The following SHQ1 variants were observed in gnomAD, a reference collection of about 807,000 sequenced individuals.
SHQ1 encodes protein SHQ1 homolog.
Under a neutral mutation model 53.8 loss-of-function variants are expected in SHQ1, and 49 were observed. That is an observed-to-expected ratio of 0.91 (90% CI 0.72 to 1.16). The LOEUF is 1.16. SHQ1 is among the 50% of genes most tolerant of loss of function. SHQ1 has a pLI of 0.00. For synonymous variants in SHQ1, 243 were observed against 251.0 expected, an observed-to-expected ratio of 0.97 and a Z score of 0.30; for missense variants, 738 against 683.1, an observed-to-expected ratio of 1.08 and a Z score of -0.90.
intron 10 of SHQ1, among the ~76,000 whole-genome samples, chr3:72,789,276 T>C (rs1056013197): frequency 2.0e-5 from 3 of 152,186 alleles, no homozygotes; most frequent in Non-Finnish European, 2.9e-5. Context: ...CCACCTTATA[T>C]AAAAAGGTGC....
At chr3:72,805,562 A>T (rs1706915431) in intron 9 of SHQ1, among the ~76,000 whole-genome samples, 1 of 152,224 alleles carries the variant, frequency 6.6e-6, no homozygotes, top group African/African-American at 2.4e-5. Flanking sequence ...TAAGCCATAC[A>T]TTCAAACCAT....
chr3:72,830,104 A>C (rs1707780088), intron 5 of SHQ1, among the ~76,000 whole-genome samples: 2 of 149,570 alleles, frequency 1.3e-5, no homozygotes, highest in South Asian at 4.1e-4. Context: ...GTGAGCTGCA[A>C]AACATGCCAA....
At chr3:72,780,059 G>A (rs1246091850) in intron 10 of SHQ1, among the ~76,000 whole-genome samples, 1 of 152,146 alleles carries the variant, frequency 6.6e-6, no homozygotes. Flanking sequence ...AACACAGCAA[G>A]ACCCTGCCTC....
Position 72,815,357 on chromosome 3 carries a change from C to G in SHQ1, c.929G>C (p.Trp310Ser), listed in dbSNP as rs760991055. The G allele has an allele frequency of 8.1e-6, 13 of 1,613,060 alleles. No homozygotes were observed. The highest frequency in any genetic ancestry group is 7.6e-6 in the Non-Finnish European group (9 of 1,179,532). ...NIRKLSPTLC[W>S]FETWTNVHDI... ...TGCAACTGGAAATCATACCTCAAACCAGCATAGTGTTGGACTCAGTTTCCT... is the reference window on the plus strand; with the variant it reads ...TGCAACTGGAAATCATACCTCAAACGAGCATAGTGTTGGACTCAGTTTCCT... Residue 310 changes from tryptophan to serine, a missense_variant, in exon 8 of 11, where the codon TGG becomes TCG. Transcript: ENST00000325599.
At chr3:72,739,798 C>A in the SHQ1 span, among the ~76,000 whole-genome samples, 2 of 152,158 alleles carry the variant, frequency 1.3e-5, no homozygotes, top group African/African-American at 4.8e-5. Context: ...AGGGGGCAGA[C>A]CAAAAGGAAG....
chr3:72,733,854 A>G, the SHQ1 span, among the ~76,000 whole-genome samples: 19 of 151,582 alleles, frequency 1.3e-4, no homozygotes, highest in African/African-American at 4.6e-4. Flanking sequence ...GCACTTAGGC[A>G]AGGGACTCAG....
chr3:72,796,296 G>C (rs1172251961), intron 9 of SHQ1, among the ~76,000 whole-genome samples: 1 of 151,970 alleles, frequency 6.6e-6, no homozygotes, highest in Admixed American at 6.6e-5. Context: ...TCTAAACTTA[G>C]GTGTGGGCAG....
chr3:72,756,542 T>A (rs1425036434), intron 10 of SHQ1, among the ~76,000 whole-genome samples: 2 of 152,232 alleles, frequency 1.3e-5, no homozygotes, highest in Non-Finnish European at 2.9e-5. Flanking sequence ...TCTCTCAAAG[T>A]GCTGGGGATT....
the SHQ1 span, among the ~76,000 whole-genome samples, chr3:72,737,960 CT>C: frequency 6.6e-6 from 1 of 152,202 alleles, no homozygotes. Context: ...CAATGCTGAT[CT>C]GGGCCCACAA....
intron 10 of SHQ1, among the ~76,000 whole-genome samples, chr3:72,784,776 G>A (rs1005648232): frequency 3.3e-5 from 5 of 152,260 alleles, no homozygotes; most frequent in Admixed American, 2.6e-4. Flanking sequence ...CGCTCTGCGT[G>A]CCTGAATTTA....
At chr3:72,765,558 T>TATATATATATATATA (rs1491541493) in intron 10 of SHQ1, among the ~76,000 whole-genome samples, 4 of 63,464 alleles carry the variant, frequency 6.3e-5, no homozygotes, top group African/African-American at 4.3e-4. Context: ...TATATATATA[T>TATATATATATATATA]TTTTTTTTTT....
chr3:72,817,666 C>A (rs1175114938), intron 6 of SHQ1, among the ~76,000 whole-genome samples: 5 of 152,132 alleles, frequency 3.3e-5, no homozygotes, highest in Non-Finnish European at 5.9e-5. Context: ...GTACTTAAGA[C>A]GTCTGAATGC....
intron 10 of SHQ1, among the ~76,000 whole-genome samples, chr3:72,765,864 T>C (rs1292696391): frequency 6.6e-6 from 1 of 152,074 alleles, no homozygotes; most frequent in Admixed American, 6.6e-5. Flanking sequence ...AATAAATACT[T>C]GAAAGTACTA....
At chr3:72,816,066 T>C (rs1348864931) in intron 7 of SHQ1, among the ~76,000 whole-genome samples, 1 of 152,220 alleles carries the variant, frequency 6.6e-6, no homozygotes, top group African/African-American at 2.4e-5. Context: ...AGATATATTA[T>C]GCCCTTAACA....
chr3:72,751,508 G>GTGTGTA (rs1210782182), intron 10 of SHQ1, among the ~76,000 whole-genome samples: 14 of 116,986 alleles, frequency 1.2e-4, no homozygotes, highest in African/African-American at 4.4e-4. Flanking sequence ...GTGTGTGTGT[G>GTGTGTA]TATATATATA....
chr3:72,823,080 CA>C (rs769875478), intron 6 of SHQ1, among the ~76,000 whole-genome samples: 1 of 146,764 alleles, frequency 6.8e-6, no homozygotes, highest in Non-Finnish European at 1.5e-5. Flanking sequence ...AACCGGGAGG[CA>C]GAGCTTGCAG....
At chr3:72,730,595 C>T in the SHQ1 span, among the ~76,000 whole-genome samples, 5 of 152,256 alleles carry the variant, frequency 3.3e-5, no homozygotes, top group Admixed American at 3.3e-4. Context: ...TAGGAAGTCC[C>T]TACTTTTCTC....
intron 6 of SHQ1, among the ~76,000 whole-genome samples, chr3:72,823,462 C>T (rs940882959): frequency 1.3e-5 from 2 of 152,042 alleles, no homozygotes; most frequent in African/African-American, 4.8e-5. Context: ...CAAAGAAGGC[C>T]ACTATATATA....
chr3:72,754,472 C>G (rs1328569399), intron 10 of SHQ1, among the ~76,000 whole-genome samples: 2 of 151,764 alleles, frequency 1.3e-5, no homozygotes, highest in African/African-American at 4.8e-5. Context: ...ACCTTCACTT[C>G]CTGGGTTCAA....
Sources: allele counts gnomAD v4.1 joint callset (sites outside exome capture counted in the v4.1 genomes callset), GRCh38; gene constraint gnomAD v4.1.1; transcripts MANE v1.5; gene names NCBI Gene and HGNC (gene_info 2026-07-23, HGNC 2026-07-21).